ARID1B: variants seen among roughly 807,000 people sequenced by gnomAD.
ARID1B encodes AT-rich interactive domain-containing protein 1B.
ARID1B carries 30 observed loss-of-function variants against 212.3 expected under a neutral mutation model. That is an observed-to-expected ratio of 0.14 (90% CI 0.11 to 0.19). The LOEUF (loss-of-function observed/expected upper bound fraction) is 0.19, where lower values mean the gene tolerates loss of function less well. ARID1B is among the 10% of genes least tolerant of loss of function. The probability of loss-of-function intolerance (pLI) is 1.00; values close to 1 mark genes in which losing one functional copy is unlikely to be tolerated. For missense variants in ARID1B, 2,891 were observed against 3,204.0 expected, an observed-to-expected ratio of 0.90 and a Z score of 2.36; for synonymous variants, 1,402 against 1,301.7, an observed-to-expected ratio of 1.08 and a Z score of -1.66.
intron 1 of ARID1B, among the ~76,000 whole-genome samples, chr6:156,811,919 C>G (rs1781577229): frequency 1.3e-5 from 2 of 152,128 alleles, no homozygotes; most frequent in East Asian, 1.9e-4. Flanking sequence ...CATCATGACC[C>G]TTATATTATA....
At chr6:156,897,276 A>ATTATTG (rs1788553232) in intron 2 of ARID1B, among the ~76,000 whole-genome samples, 1 of 108,776 alleles carries the variant, frequency 9.2e-6, no homozygotes. Context: ...TATTATTATT[A>ATTATTG]TTATTATTAT....
At chr6:157,186,478 G>A (rs1231165192) in intron 13 of ARID1B, 1 of 471,068 alleles carries the variant, frequency 2.1e-6, no homozygotes, top group East Asian at 6.9e-5. Context: ...GGGGGTCGCA[G>A]GCAGAGGCAC....
chr6:156,879,917 G>T (rs2128164588), intron 2 of ARID1B, among the ~76,000 whole-genome samples: 1 of 152,338 alleles, frequency 6.6e-6, no homozygotes, highest in Non-Finnish European at 1.5e-5. Context: ...AGCAAAAACT[G>T]CAACAAAATC....
At chr6:157,096,003 T>C (rs1483682941) in intron 5 of ARID1B, among the ~76,000 whole-genome samples, 1 of 152,198 alleles carries the variant, frequency 6.6e-6, no homozygotes, top group African/African-American at 2.4e-5. Context: ...GACCATGACT[T>C]TGCGTCAGAT....
chr6:156,806,895 C>A (rs1177964909), intron 1 of ARID1B, among the ~76,000 whole-genome samples: 1 of 152,190 alleles, frequency 6.6e-6, no homozygotes, highest in African/African-American at 2.4e-5. Flanking sequence ...CGTAAATGAA[C>A]GTGGGAGGAG....
At chr6:156,886,325 TG>T (rs1473581938) in intron 2 of ARID1B, among the ~76,000 whole-genome samples, 1 of 152,220 alleles carries the variant, frequency 6.6e-6, no homozygotes, top group Admixed American at 6.5e-5. Context: ...CTGGAGTAGC[TG>T]GGATTCCAGG....
rs1003094060 is a variant in ARID1B, at chr6:156,777,539, C to G, written c.-142C>G. 1 of 151,570 alleles carries G rather than the reference C, an allele frequency of 6.6e-6. No individual in the cohort carries two copies. Among genetic ancestry groups the G allele is most frequent in the African/African-American group, 2.4e-5 (1 of 41,386 alleles). The allele number at this position is 151,570 out of a possible 1,614,324, so 9.4% of individuals were successfully genotyped here. A position where few individuals can be genotyped will look rare whatever the true frequency, so the allele number is the denominator to read the frequency against. Reference sequence around the variant, plus strand: ...AGCGTAAGGCGTGCCCGGCCCGGCGCTCCGGCGGGGCCTGCGGAGGGGGAG... The same window carrying G: ...AGCGTAAGGCGTGCCCGGCCCGGCGGTCCGGCGGGGCCTGCGGAGGGGGAG... On this transcript the variant is annotated 5_prime_UTR_variant, in exon 1 of 20. Transcript: ENST00000636930.
At chr6:156,918,838 A>G (rs1736687114) in intron 3 of ARID1B, among the ~76,000 whole-genome samples, 1 of 152,136 alleles carries the variant, frequency 6.6e-6, no homozygotes, top group African/African-American at 2.4e-5. Context: ...AGGATGACTG[A>G]TGCCAGGAGG....
At chr6:156,941,402 T>A (rs1378073580) in intron 4 of ARID1B, 4 of 152,248 alleles carry the variant, frequency 2.6e-5, no homozygotes, top group African/African-American at 9.6e-5. Flanking sequence ...GAACATGCAA[T>A]ACTTCAGCTT....
chr6:156,884,657 A>G (rs6940457), intron 2 of ARID1B, among the ~76,000 whole-genome samples: 90,957 of 152,086 alleles, frequency 0.6, 27,501 homozygotes, highest in African/African-American at 0.65. Flanking sequence ...GGTGGCTGCC[A>G]TGTTTCTAGG....
At chr6:157,001,848 C>T (rs537403917) in intron 4 of ARID1B, among the ~76,000 whole-genome samples, 1 of 152,338 alleles carries the variant, frequency 6.6e-6, no homozygotes, top group Admixed American at 6.5e-5. Flanking sequence ...TGGAATCCCC[C>T]AGGAATTCGG....
chr6:157,176,136 C>A (rs1373737418), intron 11 of ARID1B, among the ~76,000 whole-genome samples: 1 of 152,170 alleles, frequency 6.6e-6, no homozygotes, highest in African/African-American at 2.4e-5. Context: ...TCTAGGATAA[C>A]CAGCATTTTC....
intron 4 of ARID1B, among the ~76,000 whole-genome samples, chr6:157,083,747 C>T (rs1176176361): frequency 6.6e-6 from 1 of 152,088 alleles, no homozygotes; most frequent in Non-Finnish European, 1.5e-5. Context: ...ACATTAGGAC[C>T]CATTTCTGCC....
intron 1 of ARID1B, among the ~76,000 whole-genome samples, chr6:156,814,296 A>G (rs557716705): frequency 2.6e-5 from 4 of 152,084 alleles, no homozygotes; most frequent in Non-Finnish European, 4.4e-5. Context: ...GCACGCGCCT[A>G]TGGTCCTAGC....
At chr6:156,918,869 C>A (rs1378480990) in intron 3 of ARID1B, among the ~76,000 whole-genome samples, 1 of 152,098 alleles carries the variant, frequency 6.6e-6, no homozygotes, top group Admixed American at 6.6e-5. Flanking sequence ...GGACTAGTGA[C>A]CTTCCTCTCT....
chr6:157,096,283 G>A (rs1004583043), intron 5 of ARID1B, among the ~76,000 whole-genome samples: 26 of 152,254 alleles, frequency 1.7e-4, no homozygotes, highest in Non-Finnish European at 2.2e-4. Flanking sequence ...GGCAAGTAGC[G>A]CTATTCAGTA....
intron 2 of ARID1B, among the ~76,000 whole-genome samples, chr6:156,855,295 G>A (rs576401850): frequency 1.2e-3 from 186 of 152,192 alleles, no homozygotes; most frequent in Middle Eastern, 3.4e-3. Context: ...TTTGATTTTC[G>A]AAAGTTTGGG....
In ARID1B at chr6:157,184,298, C is replaced by T. The variant is rs2128325135; in HGVS notation, c.3782C>T (p.Ala1261Val). The T allele has an allele frequency of 6.2e-7, 1 of 1,614,166 alleles. No homozygotes were observed. Among genetic ancestry groups the T allele is most frequent in the Non-Finnish European group, 8.5e-7 (1 of 1,180,044 alleles). The change falls in exon 13 of 20, where the codon GCG becomes GTG. Residue 1261 changes from alanine (A) to valine (V), a missense_variant. This residue lies in a region of ARID1B where 666 missense variants were observed against 873.5 expected (regional missense o/e 0.76). Coordinates refer to ENST00000636930, the MANE Select transcript of ARID1B (RefSeq NM_001374828.1). ...AACGTTGGCACCTCAAGCAGTGCAG[C>T]GAGCTCCCTGAAAAAGCAGTATATT... Reference protein sequence around the residue: ...NLNVGTSSSAASSLKKQYIQY... With the variant: ...NLNVGTSSSAVSSLKKQYIQY...
intron 2 of ARID1B, among the ~76,000 whole-genome samples, chr6:156,861,990 C>T (rs574781932): frequency 1.3e-5 from 2 of 152,250 alleles, no homozygotes; most frequent in South Asian, 2.1e-4. Context: ...CAGTGTGCAG[C>T]GTGGGCATCC....
Sources: allele counts gnomAD v4.1 joint callset (sites outside exome capture counted in the v4.1 genomes callset), GRCh38; gene constraint gnomAD v4.1.1; regional missense constraint gnomAD v4.1.1; transcripts MANE v1.5; gene names NCBI Gene and HGNC (gene_info 2026-07-23, HGNC 2026-07-21).